The following MITF variants were observed in gnomAD, a reference collection of about 807,000 sequenced individuals.
MITF encodes the protein melanocyte inducing transcription factor, also known as microphthalmia-associated transcription factor.
In MITF, 17 loss-of-function variants were observed where a neutral mutation model predicts 60.5. The ratio of observed to expected loss-of-function variants is 0.28; its 90% CI spans 0.19 to 0.42. MITF has a LOEUF of 0.42. Among genes scored for constraint, MITF ranks in the 10% least tolerant of loss-of-function variants. The pLI, the probability that MITF is intolerant of heterozygous loss-of-function variation, is 1.00. For synonymous variants in MITF, 260 were observed against 248.5 expected (o/e 1.05, Z -0.43); for missense variants, 622 against 683.5 (o/e 0.91, Z 1.00).
intron 1 of MITF, among the ~76,000 whole-genome samples, chr3:69,862,628 C>G (rs2064036932): frequency 6.6e-6 from 1 of 152,184 alleles, no homozygotes; most frequent in Non-Finnish European, 1.5e-5. Flanking sequence ...TCCCTTATCT[C>G]TTTTCTAACC....
chr3:69,866,231 G>A, intron 1 of MITF: 2 of 1,608,008 alleles, frequency 1.2e-6, no homozygotes, highest in Middle Eastern at 3.3e-4. Context: ...GCCAGTGCCA[G>A]AACTAACTTT....
intron 2 of MITF, among the ~76,000 whole-genome samples, chr3:69,929,559 A>G (rs12108172): frequency 0.015 from 2,326 of 152,152 alleles, 25 homozygotes; most frequent in Middle Eastern, 0.051. Flanking sequence ...AATAGCATTG[A>G]TGTAGGGACT....
At chr3:69,840,629 A>G (rs772111164) in intron 1 of MITF, among the ~76,000 whole-genome samples, 13 of 152,108 alleles carry the variant, frequency 8.5e-5, no homozygotes, top group Non-Finnish European at 1.6e-4. Flanking sequence ...ATGATTTCAG[A>G]GCAGATTATT....
At chr3:69,759,196 T>C (rs1200113915) in intron 1 of MITF, among the ~76,000 whole-genome samples, 3 of 152,362 alleles carry the variant, frequency 2.0e-5, no homozygotes, top group African/African-American at 7.2e-5. Context: ...TTATGTGTGT[T>C]TCTGTGTAAA....
chr3:69,795,085 G>A (rs1038148504), intron 1 of MITF, among the ~76,000 whole-genome samples: 1 of 152,188 alleles, frequency 6.6e-6, no homozygotes, highest in Admixed American at 6.5e-5. Flanking sequence ...CATGTCTTCA[G>A]TGGATGATGT....
intron 1 of MITF, among the ~76,000 whole-genome samples, chr3:69,768,309 A>G (rs1344458628): frequency 6.6e-6 from 1 of 152,226 alleles, no homozygotes; most frequent in African/African-American, 2.4e-5. Flanking sequence ...TATATGGAGC[A>G]TGCTTGCATG....
chr3:69,861,189 A>G (rs2064010131), intron 1 of MITF, among the ~76,000 whole-genome samples: 1 of 152,210 alleles, frequency 6.6e-6, no homozygotes, highest in African/African-American at 2.4e-5. Flanking sequence ...AATTAATTAA[A>G]TGCTACCCTC....
chr3:69,952,004 T>C, intron 7 of MITF, 118 bp downstream of exon 7: 1 of 771,550 alleles, frequency 1.3e-6, no homozygotes, highest in Non-Finnish European at 2.3e-6. Flanking sequence ...AATTCTCTCT[T>C]ATGGAAGAAA....
rs1026059252 is a variant in MITF at position 69,939,135 on chromosome 3, G to A, written c.620G>A (p.Ser207Asn). ...TTTGAAGAGCAAAACAGGGCAGAGAGCGAGTGCCCAGGCATGAACACACAT... is the reference window on the plus strand; with the variant it reads ...TTTGAAGAGCAAAACAGGGCAGAGAACGAGTGCCCAGGCATGAACACACAT... ...YKFEEQNRAE[S>N]ECPGMNTHSR... Residue 207 changes from serine (S) to asparagine (N), a missense_variant, in exon 4 of 10, where the codon AGC becomes AAC. Physicochemically the swap from Ser to Asn is conservative, Grantham distance 46 (BLOSUM62 1). Around this residue, in one of 5 missense-constraint regions of MITF, gnomAD observed 215 missense variants for 224.8 expected, o/e 0.96. Coordinates refer to ENST00000352241, the MANE Select transcript of MITF (RefSeq NM_001354604.2). 2.5e-6 allele frequency: 4 copies of A among 1,614,020 alleles called. No individual in the cohort carries two copies. In the African/African-American group the frequency reaches 4.0e-5, roughly 16 times the overall value.
chr3:69,860,274 T>C (rs9867045), intron 1 of MITF, among the ~76,000 whole-genome samples: 29,056 of 152,204 alleles, frequency 0.19, 2,838 homozygotes, highest in South Asian at 0.25. Flanking sequence ...TAAAGAGTCA[T>C]GCTAATGTTT....
intron 9 of MITF, 88 bp from the exon 10 acceptor site, chr3:69,964,759 A>T (rs1370924249): frequency 1.1e-5 from 13 of 1,209,424 alleles, no homozygotes; most frequent in Middle Eastern, 2.2e-4. Flanking sequence ...CGCATCTACC[A>T]TTATAGTATC....
intron 3 of MITF, chr3:69,938,725 A>C (rs947481939): frequency 1.5e-6 from 2 of 1,306,240 alleles, no homozygotes; most frequent in African/African-American, 3.0e-5. Context: ...GCTGTGATTT[A>C]ATGCTCATTA....
rs185238051 is a variant in MITF at position 69,783,367 on chromosome 3, T to G, written c.104+43666T>G. Among the ~76,000 whole-genome samples the G allele has an allele frequency of 2.2e-4, 33 of 152,244 alleles. No homozygotes were observed. The East Asian group carries it at 5.4e-3, about 25-fold the overall frequency. ...TCCTAGTTATTCTTGACTGATAGTTTTTGTTGAACAAATAGAAAAGAAAGG... is the reference window on the plus strand; with the variant it reads ...TCCTAGTTATTCTTGACTGATAGTTGTTGTTGAACAAATAGAAAAGAAAGG... On this transcript the variant is annotated intron_variant, in intron 1 of 9. Coordinates refer to ENST00000352241, the MANE Select transcript of MITF (RefSeq NM_001354604.2).
intron 1 of MITF, among the ~76,000 whole-genome samples, chr3:69,803,796 GAACTCCATTGATCTAAT>G (rs2062960163): frequency 6.6e-6 from 1 of 150,780 alleles, no homozygotes; most frequent in African/African-American, 2.4e-5. Context: ...TTATTCTTAT[GAACTCCATTGATCTAAT>G]AACTCATGTT....
chr3:69,822,679 C>G (rs1019780057), intron 1 of MITF, among the ~76,000 whole-genome samples: 1 of 152,196 alleles, frequency 6.6e-6, no homozygotes, highest in African/African-American at 2.4e-5. Flanking sequence ...GTGCTTCCCC[C>G]CTTGAACTGC....
At chr3:69,944,018 C>A (rs1651450374) in intron 5 of MITF, among the ~76,000 whole-genome samples, 1 of 152,018 alleles carries the variant, frequency 6.6e-6, no homozygotes, top group South Asian at 2.1e-4. Flanking sequence ...CACTTGAGAC[C>A]AAGAGTTCAA....
At chr3:69,899,518 C>T (rs563408731) in intron 2 of MITF, among the ~76,000 whole-genome samples, 73 of 152,220 alleles carry the variant, frequency 4.8e-4, no homozygotes, top group African/African-American at 1.4e-3. Context: ...GCAGAGACAG[C>T]GTAAACCTGT....
chr3:69,897,686 A>G (rs2064906994), intron 2 of MITF, among the ~76,000 whole-genome samples: 1 of 152,186 alleles, frequency 6.6e-6, no homozygotes, highest in Non-Finnish European at 1.5e-5. Flanking sequence ...ATCTGTGTGT[A>G]TAGCTAGTAA....
chr3:69,882,128 G>A (rs1383141087), intron 2 of MITF, among the ~76,000 whole-genome samples: 4 of 152,000 alleles, frequency 2.6e-5, no homozygotes, highest in African/African-American at 9.6e-5. Flanking sequence ...CCTTTTTTTG[G>A]CAGAGTAAAA....
Sources: gnomAD v4.1 joint callset for allele counts (sites outside exome capture counted in the v4.1 genomes callset) on GRCh38, gnomAD v4.1.1 for gene constraint, gnomAD v4.1.1 regional missense constraint, MANE v1.5 for transcripts, NCBI Gene and HGNC (gene_info 2026-07-23, HGNC 2026-07-21) for gene names.